The following DOK7 variants were observed in gnomAD, a reference collection of about 807,000 sequenced individuals.
DOK7 encodes protein Dok-7.
DOK7 carries 32 observed loss-of-function variants against 30.7 expected under a neutral mutation model. The ratio of observed to expected loss-of-function variants is 1.04; its 90% confidence interval spans 0.79 to 1.40. The LOEUF is 1.40. Ranked by LOEUF, DOK7 falls within the 40% of genes most tolerant of loss-of-function variation. The pLI is 0.00. For missense variants in DOK7, 1,007 were observed against 699.2 expected (o/e 1.44, Z -4.97); for synonymous variants, 447 against 324.1 (o/e 1.38, Z -4.07).
chr4:3,485,678 C>G lies in DOK7; in HGVS notation c.652+20C>G, dbSNP rs776633500. 3 of 1,543,264 alleles carry G rather than the reference C, an allele frequency of 1.9e-6. No individual in the cohort carries two copies. Among genetic ancestry groups the G allele is most frequent in the Non-Finnish European group, 2.6e-6 (3 of 1,139,982 alleles). On this transcript the variant is annotated intron_variant, in intron 5 of 6. Transcript: ENST00000340083. The stretch of plus-strand genomic sequence containing the variant: ...TACCAGGTGCGTGTGGGAGCCTGGC[C>G]GGCCGGGGAGGGTGCGCTCGGCAGG...
intron 6 of DOK7, among the ~76,000 whole-genome samples, chr4:3,491,878 G>C (rs918833380): frequency 1.3e-5 from 2 of 152,208 alleles, no homozygotes; most frequent in Non-Finnish European, 2.9e-5. Context: ...TGGCTGCATG[G>C]GTGACCTGTG....
Position 3,485,723 on chromosome 4 carries a change from G to A in DOK7, c.652+65G>A, listed in dbSNP as rs144007944. ...GGCAGGCTGTGCGACGTCCCGGGGC[G>A]GGGGGCCACAGTGATTTGTCAGCCC... On this transcript the variant is annotated intron_variant, in intron 5 of 6. Transcript: ENST00000340083. The A allele has an allele frequency of 0.045, 64,041 of 1,427,280 alleles. 1,652 individuals carry two copies. The highest frequency in any genetic ancestry group is 0.051 in the Non-Finnish European group (55,127 of 1,083,412). The allele number at this position is 1,427,280 out of a possible 1,614,324, so 88.4% of individuals were successfully genotyped here.
At chr4:3,494,527 C>A (rs899346381), downstream of DOK7, 2 of 985,440 alleles carry the variant, frequency 2.0e-6, no homozygotes, top group African/African-American at 3.5e-5. Context: ...GCCTCCTCGC[C>A]CACCCTCCAC....
chr4:3,467,140 C>A (rs1468729012), intron 2 of DOK7, among the ~76,000 whole-genome samples: 1 of 152,092 alleles, frequency 6.6e-6, no homozygotes, highest in Non-Finnish European at 1.5e-5. Flanking sequence ...CAAAGGCTGT[C>A]CCGCAGCCAC....
chr4:3,489,942 C>CTGTCT, intron 6 of DOK7, 146 bp downstream of exon 6: 1 of 1,301,948 alleles, frequency 7.7e-7, no homozygotes, highest in African/African-American at 1.5e-5. Flanking sequence ...TCATTCTTCC[C>CTGTCT]CCAACTCCCC....
In DOK7 at chr4:3,494,135, C is replaced by T. The variant is rs1052112743; in HGVS notation, c.*634C>T. ...AGCCCTTGTGGGAAGGTTCCGGGAG[C>T]AGGTGGTGTCCTCAGAGCAGCCTCG... On this transcript the variant is annotated 3_prime_UTR_variant, in exon 7 of 7. Coordinates refer to ENST00000340083, the MANE Select transcript of DOK7 (RefSeq NM_173660.5). 12 of 985,780 alleles carry T rather than the reference C, an allele frequency of 1.2e-5. No individual in the cohort carries two copies. The highest frequency in any genetic ancestry group is 5.2e-4 in the Middle Eastern group (1 of 1,918). 61.1% of individuals were successfully genotyped at this position (985,780 alleles called of 1,614,324 possible).
chr4:3,500,127 AG>A, intron 6 of DOK7: 2 of 1,204,478 alleles, frequency 1.7e-6, no homozygotes, highest in Non-Finnish European at 2.3e-6. Context: ...GGAACTTCCA[AG>A]GTGCAGGAGA....
At position 3,493,606 on chromosome 4, in the gene DOK7, G is replaced by A. The variant is rs1034961226; in HGVS notation, c.*105G>A. ...GCAGACTGGTGCTCTGTGTTCTGTGGGAGGGACCGGGGGTCTCCCGGAGAG... is the reference window on the plus strand; with the variant it reads ...GCAGACTGGTGCTCTGTGTTCTGTGAGAGGGACCGGGGGTCTCCCGGAGAG... On this transcript the variant is annotated 3_prime_UTR_variant, in exon 7 of 7. Coordinates refer to ENST00000340083, the MANE Select transcript of DOK7 (RefSeq NM_173660.5). 114 of 1,523,966 alleles carry A rather than the reference G, an allele frequency of 7.5e-5. No individual in the cohort carries two copies. Among genetic ancestry groups the A allele is most frequent in the Admixed American group, 3.5e-4 (17 of 48,246 alleles). 94.4% of individuals were successfully genotyped at this position (1,523,966 alleles called of 1,614,324 possible).
chr4:3,464,781 T>C (rs1174872567), intron 2 of DOK7, among the ~76,000 whole-genome samples: 2 of 152,140 alleles, frequency 1.3e-5, no homozygotes, highest in African/African-American at 4.8e-5. Flanking sequence ...AGGGATTTTC[T>C]TTCTGCATCA....
At chr4:3,472,187 G>C (rs905105847) in intron 2 of DOK7, among the ~76,000 whole-genome samples, 2 of 152,266 alleles carry the variant, frequency 1.3e-5, no homozygotes, top group Admixed American at 1.3e-4. Context: ...GGCACGGCTG[G>C]GGAGGGAAGC....
chr4:3,481,880 A>G (rs1727462116), intron 4 of DOK7, among the ~76,000 whole-genome samples: 2 of 152,070 alleles, frequency 1.3e-5, no homozygotes. Flanking sequence ...CAGCTTTTTC[A>G]CTGGAGACGT....
chr4:3,499,436 G>A (rs770053151), downstream of DOK7, among the ~76,000 whole-genome samples: 23 of 152,196 alleles, frequency 1.5e-4, no homozygotes, highest in Non-Finnish European at 2.8e-4. Context: ...ACTGGAGAAC[G>A]GGGTCCTTCC....
At chr4:3,500,375 G>A (rs1449956691) in exon 7 of DOK7, 19 of 1,535,814 alleles carry the variant, frequency 1.2e-5, no homozygotes, top group Non-Finnish European at 1.7e-5. Context: ...TGGGCCTGGA[G>A]CTCCAGGAGG....
At chr4:3,494,778 C>T (rs1386128613), downstream of DOK7, among the ~76,000 whole-genome samples, 1 of 152,202 alleles carries the variant, frequency 6.6e-6, no homozygotes, top group Non-Finnish European at 1.5e-5. Flanking sequence ...AGGCATGGGG[C>T]TCCTCAGGTC....
At chr4:3,486,903 C>A (rs541810347) in intron 5 of DOK7, among the ~76,000 whole-genome samples, 5 of 152,192 alleles carry the variant, frequency 3.3e-5, no homozygotes, top group South Asian at 2.1e-4. Context: ...CCTGCTCTCT[C>A]CTGCTCCCCT....
chr4:3,479,479 A>T (rs1484840474), intron 4 of DOK7, among the ~76,000 whole-genome samples: 1 of 152,266 alleles, frequency 6.6e-6, no homozygotes, highest in East Asian at 1.9e-4. Context: ...TCTGGAGGTC[A>T]CAGCTGGGCT....
At chr4:3,482,731 C>G (rs1577161411) in intron 4 of DOK7, among the ~76,000 whole-genome samples, 1 of 152,260 alleles carries the variant, frequency 6.6e-6, no homozygotes, top group East Asian at 1.9e-4. Context: ...ACATGCGCAC[C>G]CTGTCTTGGG....
At chr4:3,496,231 A>G (rs1345972374), downstream of DOK7, among the ~76,000 whole-genome samples, 1 of 152,188 alleles carries the variant, frequency 6.6e-6, no homozygotes, top group Non-Finnish European at 1.5e-5. Context: ...CCCGTTAGGC[A>G]CGGCCCACTT....
downstream of DOK7, among the ~76,000 whole-genome samples, chr4:3,495,790 G>GC (rs58331218): frequency 0.12 from 17,676 of 151,812 alleles, 1,232 homozygotes; most frequent in East Asian, 0.24. Flanking sequence ...CTACCCGCCT[G>GC]CCCCCACCGG....
Sources: allele counts gnomAD v4.1 joint callset (sites outside exome capture counted in the v4.1 genomes callset), GRCh38; gene constraint gnomAD v4.1.1; transcripts MANE v1.5; gene names NCBI Gene and HGNC (gene_info 2026-07-23, HGNC 2026-07-21).